XDH: variants seen among roughly 807,000 people sequenced by gnomAD.
XDH encodes the protein xanthine dehydrogenase/oxidase.
Under a neutral mutation model 156.1 loss-of-function variants are expected in XDH, and 138 were observed. The ratio of observed to expected loss-of-function variants is 0.88; its 90% CI spans 0.77 to 1.02. XDH has a LOEUF of 1.02. Ranked by LOEUF, XDH falls within the 50% of genes least tolerant of loss-of-function variation. The pLI is 0.00. For missense variants in XDH, 1,849 were observed against 1,684.9 expected (o/e 1.10, Z -1.71); for synonymous variants, 669 against 625.7 (o/e 1.07, Z -1.03).
chr2:31,349,060 C>G (rs1685381398), intron 26 of XDH, 80 bp from the exon 27 acceptor site: 2 of 1,386,100 alleles, frequency 1.4e-6, no homozygotes, highest in South Asian at 2.4e-5. Flanking sequence ...CACATCAAAA[C>G]AGGACATCCT....
intron 18 of XDH, among the ~76,000 whole-genome samples, chr2:31,370,072 G>T (rs902900334): frequency 2.6e-5 from 4 of 152,156 alleles, no homozygotes; most frequent in African/African-American, 9.7e-5. Context: ...GCTTACTGTT[G>T]TCCCTTAAGA....
intron 24 of XDH, among the ~76,000 whole-genome samples, chr2:31,351,656 A>C (rs1685485091): frequency 6.6e-6 from 1 of 152,222 alleles, no homozygotes; most frequent in Non-Finnish European, 1.5e-5. Flanking sequence ...GTTGGAGTAC[A>C]TCCTTTAATA....
chr2:31,384,232 T>TA, intron 9 of XDH: 1 of 279,514 alleles, frequency 3.6e-6, no homozygotes. Flanking sequence ...TTAACTTAAT[T>TA]AATGCTCACA....
At position 31,366,940 on chromosome 2, in the gene XDH, A is replaced by G. The variant is rs767059856; in HGVS notation, c.2252T>C (p.Ile751Thr). 1.8e-5 allele frequency: 29 copies of G among 1,614,158 alleles called. No individual in the cohort carries two copies. The highest frequency in any genetic ancestry group is 2.2e-5 in the South Asian group (2 of 91,094). The change falls in exon 21 of 36, where the codon ATT (isoleucine) becomes ACT (threonine). Residue 751 changes from isoleucine to threonine, a missense_variant. Coordinates refer to ENST00000379416, the MANE Select transcript of XDH (RefSeq NM_000379.4). ...CCCTGCCTCGCCTTTTGGAACAGCA[A>G]TGGTGCAGTGAGTCTCCAGGTAGAA... ...EHFYLETHCTIAVPKGEAGEM... is the reference protein window; with the variant it reads ...EHFYLETHCTTAVPKGEAGEM...
Position 31,339,569 on chromosome 2 carries a change from C to T in XDH, c.3694G>A (p.Ala1232Thr). ...AACTCAATGGGGATGCTGCCAAATG[C>T]CGGGATCTTGTAGGTGCTAGGGCCA... ...TRGPSTYKIP[A>T]FGSIPIEFRV... Residue 1232 changes from alanine to threonine, a missense_variant, in exon 34 of 36, where the codon GCA (alanine) becomes ACA (threonine). Transcript: ENST00000379416. 1.2e-6 allele frequency: 2 copies of T among 1,614,200 alleles called. No homozygotes were observed. Among genetic ancestry groups the T allele is most frequent in the East Asian group, 2.2e-5 (1 of 44,864 alleles).
At chr2:31,401,156 C>T (rs1687048121) in intron 4 of XDH, 64 bp downstream of exon 4, 1 of 1,583,644 alleles carries the variant, frequency 6.3e-7, no homozygotes, top group African/African-American at 1.3e-5. Flanking sequence ...GCAACTTTGG[C>T]ATGAGCCTCC....
chr2:31,366,636 A>G (rs1558688692), intron 21 of XDH, among the ~76,000 whole-genome samples: 1 of 152,232 alleles, frequency 6.6e-6, no homozygotes, highest in Admixed American at 6.5e-5. Context: ...TAATTATGAC[A>G]ACCCACCCAG....
rs151328755 is a variant in XDH at position 31,375,693 on chromosome 2, T to C, written c.1428-139A>G. 30 of 846,118 alleles carry C rather than the reference T, an allele frequency of 3.5e-5. No individual in the cohort carries two copies. In the African/African-American group the frequency reaches 4.6e-4, roughly 13 times the overall value. The allele number at this position is 846,118 out of a possible 1,614,324, so 52.4% of individuals were successfully genotyped here. On this transcript the variant is annotated intron_variant, in intron 14 of 35. Coordinates refer to ENST00000379416, the MANE Select transcript of XDH (RefSeq NM_000379.4). ...TTGGATACTTAGAGTTGGGTGACTT[T>C]AGGCAACTTTAATTAATCTCATTGA...
intron 32 of XDH, 126 bp downstream of exon 32, chr2:31,342,057 G>T: frequency 1.2e-6 from 1 of 855,266 alleles, no homozygotes; most frequent in Non-Finnish European, 1.9e-6. Flanking sequence ...TAGGATGTTT[G>T]CCTATCCTTA....
chr2:31,383,866 C>T lies in XDH; in HGVS notation c.794-19G>A, dbSNP rs1389917169. 2 of 1,611,308 alleles carry T rather than the reference C, an allele frequency of 1.2e-6. No homozygotes were observed. The highest frequency in any genetic ancestry group is 1.1e-5 in the South Asian group (1 of 90,376). On this transcript the variant is annotated intron_variant, in intron 9 of 35. Transcript: ENST00000379416. ...TCAATGCCTAGAGAGAAACAAGAAG[C>T]TGAAGTTGTAGGCCCATTGTTGTAT...
In XDH at chr2:31,342,185, T is replaced by A. The variant is rs1289314338; in HGVS notation, c.3517A>T (p.Lys1173Ter). Residue 1173 changes from lysine (K) to a stop codon, truncating the protein, a stop_gained and splice_region_variant, in exon 32 of 36, where the codon AAG (lysine) becomes TAG (stop). Transcript: ENST00000379416. LOFTEE classifies it high-confidence loss of function. The stretch of plus-strand genomic sequence containing the variant: ...CTAAAGTTTTGCAAACTTCTTACCT[T>A]ATGATCTCCTGTTAGGCAGTCGATT... ...VEIDCLTGDH[K>*]NLRTDIVMDV... The A allele has an allele frequency of 6.2e-7, 1 of 1,613,796 alleles. No individual in the cohort carries two copies. The highest frequency in any genetic ancestry group is 2.2e-5 in the East Asian group (1 of 44,890).
At chr2:31,402,973 A>C in intron 3 of XDH, 75 bp downstream of exon 3, 3 of 1,518,906 alleles carry the variant, frequency 2.0e-6, no homozygotes, top group South Asian at 1.1e-5. Flanking sequence ...ACACACATAC[A>C]CTCATGCACT....
At chr2:31,365,925 C>T (rs1685903023) in intron 22 of XDH, 51 bp downstream of exon 22, 1 of 1,613,604 alleles carries the variant, frequency 6.2e-7, no homozygotes, top group Admixed American at 1.7e-5. Flanking sequence ...GCACAGACAG[C>T]CTTATTCTTC....
At chr2:31,336,437 G>T (rs1301803267) in intron 35 of XDH, among the ~76,000 whole-genome samples, 1 of 152,074 alleles carries the variant, frequency 6.6e-6, no homozygotes, top group African/African-American at 2.4e-5. Flanking sequence ...TCAGACTGTT[G>T]GCAAAGAGCT....
At position 31,335,679 on chromosome 2, in the gene XDH, G is replaced by A. The variant is rs945192667; in HGVS notation, c.*279C>T. ...GTGGGGAATAGCACAAACCCTTCCC[G>A]ACCCTATTCCAGATACATGATTAAA... is the stretch of plus-strand genomic sequence containing the variant. On this transcript the variant is annotated 3_prime_UTR_variant, in exon 36 of 36. Coordinates refer to ENST00000379416, the MANE Select transcript of XDH (RefSeq NM_000379.4). 9 of 539,604 alleles carry A rather than the reference G, an allele frequency of 1.7e-5. No homozygotes were observed. Among genetic ancestry groups the A allele is most frequent in the East Asian group, 1.0e-4 (3 of 30,042 alleles). 33.4% of individuals were successfully genotyped at this position (539,604 alleles called of 1,614,324 possible). A position where few individuals can be genotyped will look rare whatever the true frequency, so the allele number is the denominator to read the frequency against.
At chr2:31,363,603 T>A (rs535025097) in intron 24 of XDH, among the ~76,000 whole-genome samples, 1 of 152,304 alleles carries the variant, frequency 6.6e-6, no homozygotes, top group East Asian at 1.9e-4. Flanking sequence ...TGGATTAACT[T>A]TATGGTATGT....
intron 1 of XDH, among the ~76,000 whole-genome samples, chr2:31,414,167 G>C (rs1362174832): frequency 1.3e-5 from 2 of 151,992 alleles, no homozygotes; most frequent in Non-Finnish European, 2.9e-5. Flanking sequence ...AGAATCAAAG[G>C]CTGCGTACAT....
intron 3 of XDH, 51 bp downstream of exon 3, chr2:31,402,997 G>A (rs190540407): frequency 1.5e-4 from 236 of 1,602,332 alleles, no homozygotes; most frequent in Non-Finnish European, 1.8e-5. Flanking sequence ...TCACAAGCTG[G>A]TCCTGCATCG....
At chr2:31,377,641 A>G (rs1456192524) in intron 13 of XDH, among the ~76,000 whole-genome samples, 1 of 152,012 alleles carries the variant, frequency 6.6e-6, no homozygotes, top group African/African-American at 2.4e-5. Context: ...CTGGGGACTG[A>G]GGCTGTTTGG....
Sources: allele counts gnomAD v4.1 joint callset (sites outside exome capture counted in the v4.1 genomes callset), GRCh38; gene constraint gnomAD v4.1.1; transcripts MANE v1.5; gene names NCBI Gene and HGNC (gene_info 2026-07-23, HGNC 2026-07-21).